The following ROBO2 variants were observed in gnomAD, a reference collection of about 807,000 sequenced individuals.
ROBO2 encodes roundabout guidance receptor 2, also known as roundabout homolog 2.
A neutral mutation model predicts 160.8 loss-of-function variants in ROBO2; 53 were observed. That is an observed-to-expected ratio of 0.33 (90% CI 0.26 to 0.41). ROBO2 has a LOEUF of 0.41. Ranked by LOEUF, ROBO2 falls within the 10% of genes least tolerant of loss-of-function variation. ROBO2 has a pLI of 1.00. For missense variants in ROBO2, 1,577 were observed against 1,722.4 expected (o/e 0.92, Z 1.49); for synonymous variants, 664 against 611.7 (o/e 1.09, Z -1.26).
rs571810644 is a variant in ROBO2, at chr3:76,668,762, A to G, written c.110-429252A>G. Among the ~76,000 whole-genome samples the G allele has an allele frequency of 2.6e-5, 4 of 151,740 alleles. No individual in the cohort carries two copies. In the South Asian group the frequency reaches 6.2e-4, roughly 24 times the overall value. The stretch of plus-strand genomic sequence containing the variant: ...AAACTCAGAGAAAAAAAAAAAATTC[A>G]GTTAGCAGCTAATACTGCCATGGTA... On this transcript the variant is annotated intron_variant, in intron 2 of 26. Coordinates refer to the ROBO2 transcript ENST00000487694.
intron 1 of ROBO2, among the ~76,000 whole-genome samples, chr3:75,919,704 C>T (rs1208984373): frequency 6.6e-6 from 1 of 152,108 alleles, no homozygotes; most frequent in Non-Finnish European, 1.5e-5. Flanking sequence ...ATTACTGACT[C>T]AATTTCAGAA....
chr3:76,078,765 A>C (rs1473094366), intron 2 of ROBO2, among the ~76,000 whole-genome samples: 1 of 152,198 alleles, frequency 6.6e-6, no homozygotes, highest in Admixed American at 6.5e-5. Flanking sequence ...GCCATATGTA[A>C]TTGGAGTAGA....
At chr3:77,017,884 T>G (rs1329837529) in intron 2 of ROBO2, among the ~76,000 whole-genome samples, 5 of 152,174 alleles carry the variant, frequency 3.3e-5, no homozygotes, top group Non-Finnish European at 7.3e-5. Context: ...TTTTTTGAAT[T>G]TTTGCAATCA....
chr3:77,226,510 A>G (rs9828035), intron 2 of ROBO2, among the ~76,000 whole-genome samples: 85,642 of 151,736 alleles, frequency 0.56, 24,745 homozygotes, highest in Middle Eastern at 0.68. Context: ...AACAGAAGGA[A>G]CAGTATAAAG....
chr3:77,312,447 C>T (rs1223621233), intron 2 of ROBO2, among the ~76,000 whole-genome samples: 6 of 152,136 alleles, frequency 3.9e-5, no homozygotes, highest in Admixed American at 1.3e-4. Context: ...GCTCATATGC[C>T]TGTCTCTAAC....
At chr3:76,511,140 TGACGA>T (rs2081064213) in intron 2 of ROBO2, among the ~76,000 whole-genome samples, 1 of 152,202 alleles carries the variant, frequency 6.6e-6, no homozygotes, top group Non-Finnish European at 1.5e-5. Flanking sequence ...TGAATGCAGC[TGACGA>T]GACACCCTCT....
At chr3:77,527,691 G>C (rs2091295702) in intron 6 of ROBO2, among the ~76,000 whole-genome samples, 1 of 151,322 alleles carries the variant, frequency 6.6e-6, no homozygotes, top group African/African-American at 2.4e-5. Flanking sequence ...TCTTATAGGA[G>C]AAAAATATAT....
At chr3:77,060,234 T>A (rs1397806279) in intron 1 of ROBO2, among the ~76,000 whole-genome samples, 1 of 152,100 alleles carries the variant, frequency 6.6e-6, no homozygotes, top group African/African-American at 2.4e-5. Context: ...GGAATGAGGG[T>A]TGTCCTCTGA....
At chr3:76,224,512 A>G (rs1173061693) in intron 2 of ROBO2, among the ~76,000 whole-genome samples, 1 of 152,162 alleles carries the variant, frequency 6.6e-6, no homozygotes, top group Non-Finnish European at 1.5e-5. Context: ...GCCCACCAAC[A>G]TTGTTGAGGG....
chr3:77,555,978 T>G (rs2093104401), intron 8 of ROBO2, among the ~76,000 whole-genome samples: 1 of 151,886 alleles, frequency 6.6e-6, no homozygotes, highest in Non-Finnish European at 1.5e-5. Flanking sequence ...AGAAAAAAAC[T>G]AATTAGATGA....
At chr3:76,629,274 T>C (rs973234687) in intron 2 of ROBO2, among the ~76,000 whole-genome samples, 1 of 152,228 alleles carries the variant, frequency 6.6e-6, no homozygotes, top group Admixed American at 6.5e-5. Flanking sequence ...TTCTTTATTG[T>C]GTACAACTAA....
chr3:76,387,832 G>A (rs972229827), intron 2 of ROBO2, among the ~76,000 whole-genome samples: 4 of 152,134 alleles, frequency 2.6e-5, no homozygotes, highest in Non-Finnish European at 4.4e-5. Context: ...GGGGACAAAG[G>A]CTTAAAAATA....
intron 2 of ROBO2, among the ~76,000 whole-genome samples, chr3:76,439,832 G>T (rs150659404): frequency 3.3e-5 from 5 of 152,040 alleles, no homozygotes; most frequent in Admixed American, 3.3e-4. Context: ...TTCTTTTGCC[G>T]TTGACTTGAG....
chr3:76,117,436 A>C (rs1236951969), intron 2 of ROBO2, among the ~76,000 whole-genome samples: 1 of 152,204 alleles, frequency 6.6e-6, no homozygotes, highest in Non-Finnish European at 1.5e-5. Context: ...GATTGTTTAT[A>C]GTTACTGTTT....
At chr3:76,494,847 A>C (rs1390553552) in intron 2 of ROBO2, among the ~76,000 whole-genome samples, 1 of 152,208 alleles carries the variant, frequency 6.6e-6, no homozygotes, top group Non-Finnish European at 1.5e-5. Flanking sequence ...GAATAGCTGA[A>C]TCCATAAAGA....
chr3:77,030,281 T>A (rs953878568), intron 2 of ROBO2, among the ~76,000 whole-genome samples: 7 of 152,360 alleles, frequency 4.6e-5, no homozygotes, highest in African/African-American at 1.4e-4. Flanking sequence ...TAGATTTTTT[T>A]AAGTAAACTT....
At chr3:77,036,178 A>G (rs1405848984), upstream of ROBO2, among the ~76,000 whole-genome samples, 1 of 151,850 alleles carries the variant, frequency 6.6e-6, no homozygotes, top group African/African-American at 2.4e-5. Context: ...TCTAATCTTC[A>G]TTTTTCTCAT....
At chr3:77,295,729 A>T (rs761893115) in intron 2 of ROBO2, among the ~76,000 whole-genome samples, 1 of 150,982 alleles carries the variant, frequency 6.6e-6, no homozygotes, top group African/African-American at 2.4e-5. Flanking sequence ...AGTGAAATTG[A>T]CGGTTAAACG....
chr3:77,398,381 G>A (rs1030432862), intron 2 of ROBO2, among the ~76,000 whole-genome samples: 40 of 144,294 alleles, frequency 2.8e-4, no homozygotes, highest in African/African-American at 1.1e-3. Flanking sequence ...CTTTGCCAGT[G>A]ATATTGTTTT....
Sources: gnomAD v4.1 joint callset for allele counts (sites outside exome capture counted in the v4.1 genomes callset) on GRCh38, gnomAD v4.1.1 for gene constraint, MANE v1.5 for transcripts, NCBI Gene and HGNC (gene_info 2026-07-23, HGNC 2026-07-21) for gene names.